SCRN1: variants seen among roughly 807,000 people sequenced by gnomAD.
SCRN1 encodes secernin-1.
In SCRN1, 19 loss-of-function variants were observed where a neutral mutation model predicts 43.3. The ratio of observed to expected loss-of-function variants is 0.44; its 90% CI spans 0.31 to 0.64. The LOEUF is 0.64. SCRN1 is among the 30% of genes least tolerant of loss of function. SCRN1 has a pLI of 0.09. For missense variants in SCRN1, 447 were observed against 524.1 expected, an observed-to-expected ratio of 0.85 and a Z score of 1.44; for synonymous variants, 183 against 188.9, an observed-to-expected ratio of 0.97 and a Z score of 0.26.
At chr7:29,956,592 C>T (rs949063998) in intron 2 of SCRN1, among the ~76,000 whole-genome samples, 8 of 152,210 alleles carry the variant, frequency 5.3e-5, no homozygotes, top group Non-Finnish European at 8.8e-5. Context: ...CCCATAATCG[C>T]TAAACCTCAG....
intron 3 of SCRN1, among the ~76,000 whole-genome samples, chr7:29,949,987 G>A (rs934467443): frequency 1.2e-4 from 19 of 152,178 alleles, no homozygotes; most frequent in South Asian, 2.1e-4. Flanking sequence ...TGAAGATGCC[G>A]GCTGCAACAG....
intron 5 of SCRN1, among the ~76,000 whole-genome samples, chr7:29,939,722 G>A (rs943463461): frequency 2.0e-5 from 3 of 152,152 alleles, no homozygotes; most frequent in Admixed American, 1.3e-4. Flanking sequence ...CCAAAACTTC[G>A]CCTTATAAAA....
At position 29,926,643 on chromosome 7, in the gene SCRN1, A is replaced by C; in HGVS notation, c.906-11T>G. 6.3e-7 allele frequency: 1 copy of C among 1,588,546 alleles called. No individual in the cohort carries two copies. Among genetic ancestry groups the C allele is most frequent in the Non-Finnish European group, 8.6e-7 (1 of 1,162,688 alleles). On this transcript the variant is annotated splice_polypyrimidine_tract_variant and intron_variant, in intron 6 of 7. Coordinates refer to ENST00000242059, the MANE Select transcript of SCRN1 (RefSeq NM_014766.5). Reference sequence around the variant, plus strand: ...GGCTTGAATATGGACCTGGAGAGGAAGGAGAGGCACTTCAGCCAGGCAGAG... The same window carrying C: ...GGCTTGAATATGGACCTGGAGAGGACGGAGAGGCACTTCAGCCAGGCAGAG...
intron 3 of SCRN1, among the ~76,000 whole-genome samples, chr7:29,949,899 C>G (rs557613722): frequency 6.6e-6 from 1 of 152,346 alleles, no homozygotes; most frequent in Admixed American, 6.5e-5. Context: ...TGGTCTTGAA[C>G]TCCTGGGCTC....
At chr7:29,940,248 C>T (rs1051972540) in intron 5 of SCRN1, among the ~76,000 whole-genome samples, 1 of 152,138 alleles carries the variant, frequency 6.6e-6, no homozygotes, top group African/African-American at 2.4e-5. Flanking sequence ...GAATTCAACT[C>T]ATCAAGTATC....
chr7:29,961,661 C>A (rs1405962692), intron 2 of SCRN1, among the ~76,000 whole-genome samples: 1 of 151,676 alleles, frequency 6.6e-6, no homozygotes. Context: ...CAGAGGCGCC[C>A]CTCACCTCCC....
intron 1 of SCRN1, among the ~76,000 whole-genome samples, chr7:29,974,215 T>C (rs1481609549): frequency 6.6e-6 from 1 of 152,232 alleles, no homozygotes; most frequent in Non-Finnish European, 1.5e-5. Flanking sequence ...AATTTAGGAA[T>C]TTAATTTTAA....
At chr7:29,978,766 A>G (rs1005980250) in intron 1 of SCRN1, among the ~76,000 whole-genome samples, 2 of 152,248 alleles carry the variant, frequency 1.3e-5, no homozygotes, top group Non-Finnish European at 2.9e-5. Flanking sequence ...AGACTCTGGG[A>G]GAACCCCATA....
rs533285713 is a variant in SCRN1, at chr7:29,950,026, C to G, written c.341+5153G>C. Among the ~76,000 whole-genome samples, 3 of 152,168 alleles carry G rather than the reference C, an allele frequency of 2.0e-5. No homozygotes were observed. The highest frequency in any genetic ancestry group is 4.4e-5 in the Non-Finnish European group (3 of 68,008). ...GGCAGGGTCTGGGTTGCGTGCTTTGCGAGGCTGGTGGGAGCCCCACCCCCT... is the reference window on the plus strand; with the variant it reads ...GGCAGGGTCTGGGTTGCGTGCTTTGGGAGGCTGGTGGGAGCCCCACCCCCT... On this transcript the variant is annotated intron_variant, in intron 3 of 7. Coordinates refer to ENST00000242059, the MANE Select transcript of SCRN1 (RefSeq NM_014766.5). The surrounding 1 kb of genome is among the most constrained non-coding windows in gnomAD (Gnocchi z 4.5).
chr7:29,988,446 G>C (rs1789233824), intron 1 of SCRN1, among the ~76,000 whole-genome samples: 1 of 152,190 alleles, frequency 6.6e-6, no homozygotes, highest in Non-Finnish European at 1.5e-5. Context: ...CCAGCTCCAA[G>C]AATCACTCTC....
intron 1 of SCRN1, among the ~76,000 whole-genome samples, chr7:29,984,204 C>CAA (rs55733700): frequency 2.7e-4 from 27 of 98,224 alleles, no homozygotes; most frequent in African/African-American, 4.5e-4. Context: ...AGACAGTCTC[C>CAA]AAAAAAAAAA....
At chr7:29,960,739 C>T (rs1167482564) in intron 2 of SCRN1, among the ~76,000 whole-genome samples, 2 of 152,150 alleles carry the variant, frequency 1.3e-5, no homozygotes, top group African/African-American at 4.8e-5. Flanking sequence ...CACATCCACA[C>T]ACCATAATCC....
At chr7:29,972,488 G>A (rs190854404) in intron 1 of SCRN1, among the ~76,000 whole-genome samples, 22 of 152,298 alleles carry the variant, frequency 1.4e-4, no homozygotes, top group African/African-American at 3.4e-4. Context: ...AATCTGGGTC[G>A]CATGATCATG....
intron 3 of SCRN1, 137 bp downstream of exon 3, chr7:29,955,042 C>T: frequency 1.4e-6 from 1 of 710,554 alleles, no homozygotes. Context: ...ATCTCATCAT[C>T]TTAAAGTTTC....
chr7:29,933,742 A>G (rs6964627), intron 6 of SCRN1, among the ~76,000 whole-genome samples: 123,878 of 152,096 alleles, frequency 0.81, 50,650 homozygotes, highest in East Asian at 0.95. Flanking sequence ...GGGAGGGAGT[A>G]GAAAAGAGGA....
At chr7:29,942,707 G>A (rs1158798728) in intron 4 of SCRN1, among the ~76,000 whole-genome samples, 1 of 152,176 alleles carries the variant, frequency 6.6e-6, no homozygotes, top group East Asian at 1.9e-4. Context: ...GTGGGTACAT[G>A]CTGGGCATAT....
At chr7:29,989,486 C>T (rs1213563020) in intron 1 of SCRN1, among the ~76,000 whole-genome samples, 156 bp downstream of exon 1, 4 of 152,196 alleles carry the variant, frequency 2.6e-5, no homozygotes, top group Non-Finnish European at 5.9e-5. Flanking sequence ...CCCAGCCCGC[C>T]CGGGCCAGCA....
chr7:29,950,319 G>A lies in SCRN1; in HGVS notation c.341+4860C>T, dbSNP rs1048189439. Among the ~76,000 whole-genome samples, 7 of 152,204 alleles carry A rather than the reference G, an allele frequency of 4.6e-5. No homozygotes were observed. Among genetic ancestry groups the A allele is most frequent in the African/African-American group, 1.7e-4 (7 of 41,460 alleles). On this transcript the variant is annotated intron_variant, in intron 3 of 7. Transcript: ENST00000242059. The surrounding 1 kb of genome is among the most constrained non-coding windows in gnomAD (Gnocchi z 4.5). ...ACACACCAGCCCCCTGCCGCCTCGG[G>A]CTTCTCCAGACTTTGGGCATCAATG...
At chr7:29,952,740 T>C (rs1364322775) in intron 3 of SCRN1, among the ~76,000 whole-genome samples, 2 of 152,078 alleles carry the variant, frequency 1.3e-5, no homozygotes, top group African/African-American at 2.4e-5. Flanking sequence ...GAGTTACTTT[T>C]AGGATTTGGT....
Sources: gnomAD v4.1 joint callset for allele counts (sites outside exome capture counted in the v4.1 genomes callset) on GRCh38, gnomAD v4.1.1 for gene constraint, Gnocchi (gnomAD v3.1) non-coding constraint, MANE v1.5 for transcripts, NCBI Gene and HGNC (gene_info 2026-07-23, HGNC 2026-07-21) for gene names.